Variants in PPARG observed in about 807,000 individuals in gnomAD.
PPARG encodes peroxisome proliferator activated receptor gamma, also known as peroxisome proliferator-activated receptor gamma.
PPARG carries 17 observed loss-of-function variants against 39.2 expected under a neutral mutation model. The observed-to-expected ratio is 0.43, with a 90% CI of 0.30 to 0.65. The LOEUF is 0.65. Among genes scored for constraint, PPARG ranks in the 30% least tolerant of loss-of-function variants. The pLI, the probability that PPARG is intolerant of heterozygous loss-of-function variation, is 0.13. For synonymous variants in PPARG, 223 were observed against 215.7 expected (o/e 1.03, Z -0.30); for missense variants, 406 against 585.9 (o/e 0.69, Z 3.17).
chr3:12,406,042 G>A lies in PPARG; in HGVS notation c.690G>A (p.Lys230=). 2.5e-6 allele frequency: 4 copies of A among 1,614,134 alleles called. No homozygotes were observed. The highest frequency in any genetic ancestry group is 3.4e-6 in the Non-Finnish European group (4 of 1,180,016). ...YIKSFPLTKA[K]ARAILTGKTT... is the part of the protein sequence containing the mutation. ...AGTCCTTCCCGCTGACCAAAGCAAA[G>A]GCGAGGGCGATCTTGACAGGAAAGA... Residue 230 remains lysine (K), a synonymous_variant, in exon 6 of 8, where the codon AAG becomes AAA. Coordinates refer to ENST00000651735, the MANE Select transcript of PPARG (RefSeq NM_138711.6).
chr3:12,361,475 G>C (rs1407198324), intron 2 of PPARG, among the ~76,000 whole-genome samples: 3 of 152,084 alleles, frequency 2.0e-5, no homozygotes, highest in Admixed American at 1.3e-4. Context: ...AAGTTTTCTG[G>C]TTTTATATTT....
At chr3:12,403,617 A>G (rs918673409) in intron 5 of PPARG, among the ~76,000 whole-genome samples, 14 of 152,168 alleles carry the variant, frequency 9.2e-5, no homozygotes, top group African/African-American at 3.4e-4. Context: ...TGGCCTCCCA[A>G]AGTTCTGGGA....
At chr3:12,380,680 A>T (rs757410290) in intron 3 of PPARG, among the ~76,000 whole-genome samples, 1 of 152,156 alleles carries the variant, frequency 6.6e-6, no homozygotes, top group African/African-American at 2.4e-5. Context: ...ATATTTATCT[A>T]TGCGGTTTTC....
chr3:12,367,352 A>G (rs2125133945), intron 2 of PPARG, among the ~76,000 whole-genome samples: 1 of 152,322 alleles, frequency 6.6e-6, no homozygotes, highest in African/African-American at 2.4e-5. Flanking sequence ...ATCTCCCTTT[A>G]GAAATATATG....
chr3:12,382,639 A>G (rs2049720195), intron 4 of PPARG, among the ~76,000 whole-genome samples: 1 of 152,206 alleles, frequency 6.6e-6, no homozygotes. Flanking sequence ...TTCATACATC[A>G]GTATTTAACC....
Position 12,431,324 on chromosome 3 carries a change from A to G in PPARG, c.1181-2574A>G, listed in dbSNP as rs117522370. ...AAGACAAGCTGTTTAGAAAAGAACTATGAGAGTACCGTTTATCAAAGCCCA... is the reference window on the plus strand; with the variant it reads ...AAGACAAGCTGTTTAGAAAAGAACTGTGAGAGTACCGTTTATCAAAGCCCA... On this transcript the variant is annotated intron_variant, in intron 7 of 7. Coordinates refer to ENST00000651735, the MANE Select transcript of PPARG (RefSeq NM_138711.6). Among the ~76,000 whole-genome samples, 104 of 152,368 alleles carry G rather than the reference A, an allele frequency of 6.8e-4. 1 individual carries two copies. The East Asian group carries it at 0.017, about 25-fold the overall frequency.
At chr3:12,290,053 C>T (rs2046609928) in intron 1 of PPARG, among the ~76,000 whole-genome samples, 1 of 152,020 alleles carries the variant, frequency 6.6e-6, no homozygotes, top group Admixed American at 6.5e-5. Context: ...TAATTTTTCT[C>T]CCTGATTTAA....
chr3:12,297,873 A>G (rs1046741910), intron 1 of PPARG: 3 of 152,010 alleles, frequency 2.0e-5, no homozygotes, highest in African/African-American at 7.3e-5. Flanking sequence ...TGATAGAGTT[A>G]CCCAGTTTTC....
intron 5 of PPARG, among the ~76,000 whole-genome samples, chr3:12,402,528 C>G (rs900174592): frequency 2.6e-5 from 4 of 152,114 alleles, no homozygotes; most frequent in Non-Finnish European, 4.4e-5. Flanking sequence ...AATTTATATT[C>G]GAGTAGAATA....
At chr3:12,374,202 A>T (rs1256577896) in intron 2 of PPARG, among the ~76,000 whole-genome samples, 2 of 152,122 alleles carry the variant, frequency 1.3e-5, no homozygotes, top group African/African-American at 4.8e-5. Context: ...TCTTGGGTGG[A>T]GGAAGGGAGG....
chr3:12,417,899 TTC>T (rs2051128296), intron 7 of PPARG, among the ~76,000 whole-genome samples: 5 of 91,032 alleles, frequency 5.5e-5, no homozygotes, highest in Non-Finnish European at 8.9e-5. Context: ...TTTTTTTTTT[TTC>T]CTTTTTTTTT....
At position 12,296,918 on chromosome 3, in the gene PPARG, A is replaced by T. The variant is rs531379921; in HGVS notation, c.-83+7784A>T. 2.2e-4 allele frequency among the ~76,000 whole-genome samples: 34 copies of T among 152,286 alleles called. No individual in the cohort carries two copies. In the South Asian group the frequency reaches 5.6e-3, roughly 25 times the overall value. On this transcript the variant is annotated intron_variant, in intron 1 of 7. Transcript: ENST00000651735. ...TATTCCCTTCCTAGTGATTGTTGAT[A>T]ATAGTTTTTTTTATTTTAAAATTCT...
chr3:12,414,373 T>C (rs1424491716), intron 6 of PPARG, among the ~76,000 whole-genome samples: 1 of 152,100 alleles, frequency 6.6e-6, no homozygotes, highest in Admixed American at 6.5e-5. Flanking sequence ...AGCACGCACT[T>C]AGGGAGGCCA....
chr3:12,339,443 ATGG>A (rs1397127736), intron 2 of PPARG, among the ~76,000 whole-genome samples: 4 of 152,224 alleles, frequency 2.6e-5, no homozygotes, highest in Admixed American at 6.5e-5. Flanking sequence ...CACATTCAAA[ATGG>A]TGAACTTTAT....
At chr3:12,312,545 T>C (rs2047276080) in intron 2 of PPARG, 92 bp downstream of exon 2, 2 of 152,204 alleles carry the variant, frequency 1.3e-5, no homozygotes, top group Admixed American at 1.3e-4. Context: ...ATTGTAAAAT[T>C]TCCTAGAGAG....
intron 2 of PPARG, among the ~76,000 whole-genome samples, chr3:12,357,719 G>A (rs991194051): frequency 1.3e-5 from 2 of 152,168 alleles, no homozygotes; most frequent in South Asian, 2.1e-4. Context: ...TACCTGAATA[G>A]TATTGCTCAT....
At chr3:12,315,533 T>G (rs150924203) in intron 2 of PPARG, among the ~76,000 whole-genome samples, 1 of 152,218 alleles carries the variant, frequency 6.6e-6, no homozygotes, top group African/African-American at 2.4e-5. Flanking sequence ...AAGGTCACAA[T>G]GGAGTCACTA....
chr3:12,351,464 A>G, intron 2 of PPARG: 1 of 727,576 alleles, frequency 1.4e-6, no homozygotes, highest in Non-Finnish European at 2.4e-6. Flanking sequence ...TTGGAAACTG[A>G]TGTCTTGACT....
Position 12,405,864 on chromosome 3 carries a change from A to T in PPARG, c.530-18A>T. On this transcript the variant is annotated intron_variant, in intron 5 of 7. Transcript: ENST00000651735. ...TAGTAATCCAATGATTCATCCTGTC[A>T]TTCCTCTTCCTCTATAGCCATCAGG... 6.2e-7 allele frequency: 1 copy of T among 1,609,064 alleles called. No individual in the cohort carries two copies. Among genetic ancestry groups the T allele is most frequent in the Non-Finnish European group, 8.5e-7 (1 of 1,175,696 alleles).
Sources: allele counts gnomAD v4.1 joint callset (sites outside exome capture counted in the v4.1 genomes callset), GRCh38; gene constraint gnomAD v4.1.1; transcripts MANE v1.5; gene names NCBI Gene and HGNC (gene_info 2026-07-23, HGNC 2026-07-21).